Variants in ZPLD1 observed in about 807,000 individuals in gnomAD.
The protein encoded by ZPLD1 is zona pellucida like domain containing 1, also known as zona pellucida-like domain-containing protein 1.
A neutral mutation model predicts 47.2 loss-of-function variants in ZPLD1; 34 were observed. That is an observed-to-expected ratio of 0.72 (90% CI 0.55 to 0.96). The LOEUF (loss-of-function observed/expected upper bound fraction) is 0.96, where lower values mean the gene tolerates loss of function less well. ZPLD1 is among the 40% of genes least tolerant of loss of function. The pLI is 0.00. For missense variants in ZPLD1, 512 were observed against 505.8 expected (o/e 1.01, Z -0.12); for synonymous variants, 176 against 186.2 (o/e 0.95, Z 0.45).
intron 6 of ZPLD1, among the ~76,000 whole-genome samples, chr3:102,459,754 C>T (rs570668330): frequency 2.1e-4 from 32 of 152,174 alleles, no homozygotes; most frequent in Middle Eastern, 6.8e-3. Flanking sequence ...CCCACATATA[C>T]CCCCTCCCCT....
intron 3 of ZPLD1, among the ~76,000 whole-genome samples, chr3:102,450,509 A>AAG (rs376379892): frequency 1.3e-5 from 2 of 151,542 alleles, no homozygotes; most frequent in Non-Finnish European, 2.9e-5. Flanking sequence ...AGATTCATAG[A>AAG]AGAGAGAGAG....
chr3:102,453,829 T>A (rs777153354), intron 4 of ZPLD1, among the ~76,000 whole-genome samples: 1 of 152,314 alleles, frequency 6.6e-6, no homozygotes, highest in East Asian at 1.9e-4. Context: ...TACTAATGCA[T>A]TGAACACCAA....
intron 8 of ZPLD1, among the ~76,000 whole-genome samples, chr3:102,423,812 C>T (rs1706909377): frequency 6.6e-6 from 1 of 152,106 alleles, no homozygotes; most frequent in Non-Finnish European, 1.5e-5. Flanking sequence ...TTATTTTGTG[C>T]TGCTCAGCTC....
intron 3 of ZPLD1, among the ~76,000 whole-genome samples, chr3:102,440,476 A>G (rs1459291550): frequency 6.6e-6 from 1 of 152,186 alleles, no homozygotes; most frequent in African/African-American, 2.4e-5. Flanking sequence ...TGACAAAAAA[A>G]ACATAGGACA....
rs796721531 is a variant in ZPLD1, at chr3:102,436,949, G to GTGGAGCA, written c.-21_-15dup. The GTGGAGCA allele has an allele frequency of 5.1e-6, 5 of 985,298 alleles. No individual in the cohort carries two copies. In the African/African-American group the frequency reaches 8.7e-5, roughly 17 times the overall value. The allele number at this position is 985,298 out of a possible 1,614,324, so 61.0% of individuals were successfully genotyped here. Reference sequence around the variant, plus strand: ...TGGGACCCATCATGAGAAGGAAGTGGTGGAGCATGGAGCATGGAATAAATG... The same window carrying GTGGAGCA: ...TGGGACCCATCATGAGAAGGAAGTGGTGGAGCATGGAGCATGGAGCATGGAATAAATG... On this transcript the variant is annotated 5_prime_UTR_variant, in exon 2 of 12. The change creates a new upstream start codon in the 5' untranslated region. Coordinates refer to ENST00000466937, the MANE Select transcript of ZPLD1 (RefSeq NM_001329788.2).
At chr3:102,433,846 T>G (rs921037196), upstream of ZPLD1, among the ~76,000 whole-genome samples, 3 of 152,176 alleles carry the variant, frequency 2.0e-5, no homozygotes, top group African/African-American at 7.2e-5. Flanking sequence ...ATGTTCTTTA[T>G]GCACTCACTG....
chr3:102,473,349 C>T (rs1384576961), intron 10 of ZPLD1, among the ~76,000 whole-genome samples: 1 of 152,194 alleles, frequency 6.6e-6, no homozygotes, highest in African/African-American at 2.4e-5. Flanking sequence ...ATCCCACATC[C>T]AGTTGCCCAA....
chr3:102,421,429 A>G (rs1706878724), intron 8 of ZPLD1, among the ~76,000 whole-genome samples: 1 of 151,902 alleles, frequency 6.6e-6, no homozygotes, highest in South Asian at 2.1e-4. Flanking sequence ...AAAACTACTC[A>G]TCTTTTAGAG....
At chr3:102,391,346 T>C (rs947677523) in intron 6 of ZPLD1, among the ~76,000 whole-genome samples, 1 of 152,168 alleles carries the variant, frequency 6.6e-6, no homozygotes, top group Non-Finnish European at 1.5e-5. Flanking sequence ...ATCCTCCAAA[T>C]TGCCACAACA....
chr3:102,425,732 C>T (rs983754827), intron 8 of ZPLD1, among the ~76,000 whole-genome samples: 7 of 151,884 alleles, frequency 4.6e-5, no homozygotes, highest in African/African-American at 1.2e-4. Context: ...TCATCTCATC[C>T]GGGACACAAA....
intron 7 of ZPLD1, among the ~76,000 whole-genome samples, chr3:102,402,216 C>A (rs1201550185): frequency 2.6e-5 from 4 of 151,942 alleles, no homozygotes; most frequent in Admixed American, 6.6e-5. Flanking sequence ...TTTTACTGCT[C>A]TTTTTTTACT....
intron 6 of ZPLD1, among the ~76,000 whole-genome samples, chr3:102,391,734 A>G (rs1282812276): frequency 1.3e-5 from 2 of 152,046 alleles, no homozygotes; most frequent in South Asian, 2.1e-4. Flanking sequence ...GACCTGTACA[A>G]ATTGCAGATT....
intron 6 of ZPLD1, among the ~76,000 whole-genome samples, chr3:102,458,213 A>T (rs1258393958): frequency 2.0e-5 from 3 of 152,124 alleles, no homozygotes; most frequent in African/African-American, 7.2e-5. Flanking sequence ...TTTATGTGTG[A>T]TACAAAGATT....
At chr3:102,467,346 A>G (rs1162378719) in intron 8 of ZPLD1, among the ~76,000 whole-genome samples, 1 of 152,142 alleles carries the variant, frequency 6.6e-6, no homozygotes, top group Non-Finnish European at 1.5e-5. Context: ...CAAGAAAAAA[A>G]GGGATAAATG....
chr3:102,404,774 C>T (rs1314911868), intron 7 of ZPLD1, among the ~76,000 whole-genome samples: 2 of 151,988 alleles, frequency 1.3e-5, no homozygotes, highest in Non-Finnish European at 2.9e-5. Flanking sequence ...TGCTTGGACA[C>T]TAGAAAGTTG....
chr3:102,441,944 A>C (rs987918808), intron 3 of ZPLD1, among the ~76,000 whole-genome samples: 3 of 152,124 alleles, frequency 2.0e-5, no homozygotes, highest in African/African-American at 7.2e-5. Context: ...CAAGGCTCAC[A>C]TCAAAATTAG....
At chr3:102,457,713 C>A in intron 5 of ZPLD1, 68 bp from the exon 6 acceptor site, 1 of 1,418,824 alleles carries the variant, frequency 7.0e-7, no homozygotes, top group Non-Finnish European at 9.9e-7. Flanking sequence ...TGCTTTAAGT[C>A]TAACATCTAG....
At chr3:102,446,088 C>T (rs1195961111) in intron 3 of ZPLD1, among the ~76,000 whole-genome samples, 1 of 152,114 alleles carries the variant, frequency 6.6e-6, no homozygotes, top group East Asian at 1.9e-4. Flanking sequence ...AATGTTGGAA[C>T]TTGATATTAA....
chr3:102,448,061 A>T (rs1290752390), intron 3 of ZPLD1, among the ~76,000 whole-genome samples: 2 of 152,182 alleles, frequency 1.3e-5, no homozygotes, highest in Non-Finnish European at 1.5e-5. Flanking sequence ...GATACATAAA[A>T]CCATTGCCCG....
Sources: allele counts gnomAD v4.1 joint callset (sites outside exome capture counted in the v4.1 genomes callset), GRCh38; gene constraint gnomAD v4.1.1; transcripts MANE v1.5; gene names NCBI Gene and HGNC (gene_info 2026-07-23, HGNC 2026-07-21).